The following MGAT5 variants were observed in gnomAD, a reference collection of about 807,000 sequenced individuals.
MGAT5 encodes the protein alpha-1,6-mannosylglycoprotein 6-beta-N-acetylglucosaminyltransferase A.
MGAT5 carries 30 observed loss-of-function variants against 94.3 expected under a neutral mutation model. The observed-to-expected ratio is 0.32, with a 90% CI of 0.24 to 0.43. MGAT5 has a LOEUF of 0.43. Ranked by LOEUF, MGAT5 falls within the 20% of genes least tolerant of loss-of-function variation. The pLI is 1.00. For missense variants in MGAT5, 691 were observed against 905.5 expected (o/e 0.76, Z 3.04); for synonymous variants, 310 against 322.9 (o/e 0.96, Z 0.43).
chr2:134,270,949 G>A (rs1683989450), intron 2 of MGAT5, among the ~76,000 whole-genome samples: 1 of 152,124 alleles, frequency 6.6e-6, no homozygotes, highest in African/African-American at 2.4e-5. Flanking sequence ...TCTCCTCCCT[G>A]TTGTTAAAAA....
chr2:134,400,677 T>C (rs556056019), intron 10 of MGAT5, among the ~76,000 whole-genome samples: 1 of 152,296 alleles, frequency 6.6e-6, no homozygotes, highest in South Asian at 2.1e-4. Flanking sequence ...GGCCAGTTAC[T>C]GGTCTACCCT....
At chr2:134,376,082 G>A (rs1351068362) in intron 10 of MGAT5, among the ~76,000 whole-genome samples, 1 of 152,150 alleles carries the variant, frequency 6.6e-6, no homozygotes, top group African/African-American at 2.4e-5. Context: ...GCGTGCTAAG[G>A]TTTGGCCAGG....
chr2:134,150,783 G>C (rs1308896182), intron 1 of MGAT5, among the ~76,000 whole-genome samples: 2 of 152,214 alleles, frequency 1.3e-5, no homozygotes, highest in African/African-American at 4.8e-5. Flanking sequence ...CTTTTCACAA[G>C]ATAATAATAG....
At chr2:134,189,606 T>TTTTTTTTTTTTTTTTTTG (rs1553490404) in intron 1 of MGAT5, among the ~76,000 whole-genome samples, 3 of 108,596 alleles carry the variant, frequency 2.8e-5, no homozygotes, top group African/African-American at 3.8e-5. Flanking sequence ...TTTTTTGTTT[T>TTTTTTTTTTTTTTTTTTG]TTTTTTTTTT....
At position 134,412,977 on chromosome 2, in the gene MGAT5, AAC is replaced by A. The variant is rs1301155294; in HGVS notation, c.1643_1644del (p.Thr548ArgfsTer20). Reference sequence around the variant, plus strand: ...GTTCAACCCACCCAAAAGCAGCAAAAACACAGACTTTTTCATTGGCAAGCCAA... The same window carrying A: ...GTTCAACCCACCCAAAAGCAGCAAAAACAGACTTTTTCATTGGCAAGCCAA... ...PKFNPPKSSK[N>X]TDFFIGKPTL... On this transcript the variant is annotated frameshift_variant, in exon 12 of 16. Coordinates refer to ENST00000281923, the MANE Select transcript of MGAT5 (RefSeq NM_002410.5). LOFTEE classifies it high-confidence loss of function. The A allele has an allele frequency of 6.2e-7, 1 of 1,614,090 alleles. No individual in the cohort carries two copies. Among genetic ancestry groups the A allele is most frequent in the Non-Finnish European group, 8.5e-7 (1 of 1,180,038 alleles).
intron 4 of MGAT5, among the ~76,000 whole-genome samples, chr2:134,332,548 A>G (rs903242095): frequency 6.6e-6 from 1 of 152,232 alleles, no homozygotes; most frequent in Non-Finnish European, 1.5e-5. Flanking sequence ...CATGTCTAAA[A>G]TACCAAAAGC....
At chr2:134,441,548 G>A (rs1685486906) in intron 14 of MGAT5, among the ~76,000 whole-genome samples, 1 of 152,240 alleles carries the variant, frequency 6.6e-6, no homozygotes, top group Non-Finnish European at 1.5e-5. Flanking sequence ...CTGTCTTGAG[G>A]TTGAGTAAGC....
chr2:134,131,219 C>T (rs1039443527), intron 1 of MGAT5, among the ~76,000 whole-genome samples: 1 of 152,244 alleles, frequency 6.6e-6, no homozygotes, highest in Admixed American at 6.5e-5. Flanking sequence ...GGAACAAACT[C>T]CGGTCACGCT....
chr2:134,349,278 A>G (rs1679209365), intron 8 of MGAT5, among the ~76,000 whole-genome samples: 1 of 152,150 alleles, frequency 6.6e-6, no homozygotes. Context: ...CAGATATATA[A>G]AAAAATACCA....
chr2:134,332,572 G>C (rs1688042996), intron 4 of MGAT5, among the ~76,000 whole-genome samples: 1 of 152,108 alleles, frequency 6.6e-6, no homozygotes, highest in Admixed American at 6.5e-5. Flanking sequence ...GGCAACAAAA[G>C]CCAAAATTGA....
intron 1 of MGAT5, among the ~76,000 whole-genome samples, chr2:134,222,298 C>T (rs1329337351): frequency 7.5e-6 from 1 of 132,948 alleles, no homozygotes; most frequent in South Asian, 2.4e-4. Flanking sequence ...ATGTGGGCGT[C>T]CAGGGCTATA....
intron 4 of MGAT5, among the ~76,000 whole-genome samples, chr2:134,323,028 C>A (rs1355112469): frequency 6.6e-6 from 1 of 152,138 alleles, no homozygotes; most frequent in Admixed American, 6.6e-5. Context: ...AGATTCAGAC[C>A]TGTCTTAAGA....
intron 10 of MGAT5, among the ~76,000 whole-genome samples, chr2:134,389,115 T>C (rs543120531): frequency 6.6e-6 from 1 of 152,272 alleles, no homozygotes; most frequent in Admixed American, 6.5e-5. Flanking sequence ...TTTTGAGGTA[T>C]TGGCATCAGG....
At position 134,443,817 on chromosome 2, in the gene MGAT5, T is replaced by A. The variant is rs527894214; in HGVS notation, c.2027+1902T>A. ...AGTCTGTCTGCATCTGAAGTTGGAA[T>A]TCACTAGTTACAGACTAGGGACTGT... is the stretch of plus-strand genomic sequence containing the variant. On this transcript the variant is annotated intron_variant, in intron 15 of 15. Coordinates refer to ENST00000281923, the MANE Select transcript of MGAT5 (RefSeq NM_002410.5). Among the ~76,000 whole-genome samples, 4 of 152,302 alleles carry A rather than the reference T, an allele frequency of 2.6e-5. No homozygotes were observed. In the South Asian group the frequency reaches 8.3e-4, roughly 32 times the overall value.
chr2:134,409,833 C>T (rs1434845348), intron 11 of MGAT5, among the ~76,000 whole-genome samples: 2 of 152,148 alleles, frequency 1.3e-5, no homozygotes, highest in Non-Finnish European at 2.9e-5. Context: ...AGGAACGTCC[C>T]AATCCTATAC....
chr2:134,397,081 G>C (rs561217349), intron 10 of MGAT5, among the ~76,000 whole-genome samples: 18 of 152,360 alleles, frequency 1.2e-4, no homozygotes, highest in African/African-American at 4.3e-4. Context: ...AGAGGGAATA[G>C]TTGGAGTTAA....
chr2:134,417,110 T>C (rs1373941864), intron 12 of MGAT5, among the ~76,000 whole-genome samples: 1 of 152,128 alleles, frequency 6.6e-6, no homozygotes, highest in African/African-American at 2.4e-5. Context: ...TACAAGTATT[T>C]TGAGTCTCTG....
chr2:134,257,836 C>CCTTTTTTTTTTT lies in MGAT5; in HGVS notation c.241+3192_241+3193insCTTTTTTTTTTT, dbSNP rs781189819. 3.3e-4 allele frequency among the ~76,000 whole-genome samples: 35 copies of CCTTTTTTTTTTT among 106,428 alleles called. 7 individuals carry two copies. The highest frequency in any genetic ancestry group is 3.7e-4 in the Non-Finnish European group (20 of 54,226). The allele number at this position is 106,428 out of a possible 152,430, so 69.8% of individuals were successfully genotyped here. A position where few individuals can be genotyped will look rare whatever the true frequency, so the allele number is the denominator to read the frequency against. On this transcript the variant is annotated intron_variant, in intron 1 of 15. Transcript: ENST00000281923. ...TGCATAGGCCATTAGTTTGCAGTCT[C>CCTTTTTTTTTTT]TTTTTTTTTTTTTTTTTTTGCCATA... is the stretch of plus-strand genomic sequence containing the variant.
chr2:134,403,064 A>G lies in MGAT5; in HGVS notation c.1457A>G (p.Asn486Ser), dbSNP rs1285269145. 1 of 1,612,638 alleles carries G rather than the reference A, an allele frequency of 6.2e-7. No homozygotes were observed. Among genetic ancestry groups the G allele is most frequent in the African/African-American group, 1.3e-5 (1 of 74,880 alleles). Residue 486 changes from asparagine (N) to serine (S), a missense_variant, in exon 11 of 16, where the codon AAT (asparagine) becomes AGT (serine). By Grantham distance (46) the Asn-to-Ser change is conservative. Transcript: ENST00000281923. ...HATVYGSSTK[N>S]IPSYVKNHGI... Reference sequence around the variant, plus strand: ...ACTGTTTATGGCTCCAGCACAAAGAATATTCCCAGTTACGTGAAAAACCAT... The same window carrying G: ...ACTGTTTATGGCTCCAGCACAAAGAGTATTCCCAGTTACGTGAAAAACCAT...
Sources: gnomAD v4.1 joint callset for allele counts (sites outside exome capture counted in the v4.1 genomes callset) on GRCh38, gnomAD v4.1.1 for gene constraint, MANE v1.5 for transcripts, NCBI Gene and HGNC (gene_info 2026-07-23, HGNC 2026-07-21) for gene names.